The following DDAH1 variants were observed in gnomAD, a reference collection of about 807,000 sequenced individuals.
DDAH1 encodes N(G),N(G)-dimethylarginine dimethylaminohydrolase 1.
In DDAH1, 19 loss-of-function variants were observed where a neutral mutation model predicts 28.8. The ratio of observed to expected loss-of-function variants is 0.66; its 90% CI spans 0.46 to 0.97. The LOEUF (loss-of-function observed/expected upper bound fraction) is 0.97. DDAH1 is among the 50% of genes least tolerant of loss of function. The pLI is 0.00. For synonymous variants in DDAH1, 153 were observed against 154.4 expected (o/e 0.99, Z 0.07); for missense variants, 326 against 375.9 (o/e 0.87, Z 1.10).
In DDAH1 at chr1:85,419,540, TAA is replaced by T. The variant is rs141947699; in HGVS notation, c.303+45201_303+45202del. ...GGACGACAAGAGTGAAACTCCATCTTAAAAAAAAAAAAAAAAAAAAGTCTGGG... is the reference window on the plus strand; with the variant it reads ...GGACGACAAGAGTGAAACTCCATCTTAAAAAAAAAAAAAAAAAAGTCTGGG... On this transcript the variant is annotated intron_variant, in intron 1 of 5. Coordinates refer to ENST00000284031, the MANE Select transcript of DDAH1 (RefSeq NM_012137.4). Among the ~76,000 whole-genome samples the T allele has an allele frequency of 3.7e-3, 305 of 81,508 alleles. 2 individuals carry two copies. Among genetic ancestry groups the T allele is most frequent in the African/African-American group, 0.016 (296 of 18,156 alleles). The allele number at this position is 81,508 out of a possible 152,430, so 53.5% of individuals were successfully genotyped here.
chr1:85,343,921 A>AGTC (rs1016135631), intron 4 of DDAH1, among the ~76,000 whole-genome samples: 49 of 152,370 alleles, frequency 3.2e-4, no homozygotes, highest in African/African-American at 1.0e-3. Context: ...TTATATAGTT[A>AGTC]GTCATTCAAA....
intron 2 of DDAH1, among the ~76,000 whole-genome samples, chr1:85,470,953 T>A (rs1394860475): frequency 6.6e-6 from 1 of 152,224 alleles, no homozygotes; most frequent in Non-Finnish European, 1.5e-5. Flanking sequence ...TTCCTGGCCC[T>A]CCTACATTCT....
rs537541423 is a variant in DDAH1, at chr1:85,440,326, A to G, written c.303+24417T>C. ...GGGTGAGCCCTGAGTCAGATCTTCA[A>G]TCTTCTTTGGAATTCCAAACACCTC... On this transcript the variant is annotated intron_variant, in intron 1 of 5. Transcript: ENST00000284031. Among the ~76,000 whole-genome samples, 131 of 152,238 alleles carry G rather than the reference A, an allele frequency of 8.6e-4. 1 individual carries two copies. The Middle Eastern group carries it at 0.01, about 12-fold the overall frequency.
At chr1:85,325,960 C>T (rs1647366909) in intron 4 of DDAH1, among the ~76,000 whole-genome samples, 1 of 152,196 alleles carries the variant, frequency 6.6e-6, no homozygotes, top group Non-Finnish European at 1.5e-5. Context: ...TTCTAATCTA[C>T]CTTTATGGTC....
intron 1 of DDAH1, among the ~76,000 whole-genome samples, chr1:85,460,164 A>G (rs566132125): frequency 3.9e-5 from 6 of 152,314 alleles, no homozygotes; most frequent in East Asian, 1.9e-4. Context: ...TTTGTTAGCT[A>G]TAGCTATTAG....
chr1:85,422,212 AAG>A (rs1217582026), intron 1 of DDAH1, among the ~76,000 whole-genome samples: 4 of 152,138 alleles, frequency 2.6e-5, no homozygotes, highest in Admixed American at 2.6e-4. Context: ...TTCTTTGGTG[AAG>A]AGTCTGTTCA....
At chr1:85,434,286 ACTTGTGATGCCTC>A (rs1190035481) in intron 1 of DDAH1, among the ~76,000 whole-genome samples, 1 of 152,116 alleles carries the variant, frequency 6.6e-6, no homozygotes, top group Non-Finnish European at 1.5e-5. Flanking sequence ...AGCCCCATTG[ACTTGTGATGCCTC>A]CTTACCAGAT....
At chr1:85,565,581 A>T (rs1659273659) in intron 1 of DDAH1, among the ~76,000 whole-genome samples, 1 of 152,232 alleles carries the variant, frequency 6.6e-6, no homozygotes, top group Admixed American at 6.5e-5. Context: ...AAAGTTGAAA[A>T]AAAGAAAATA....
chr1:85,510,731 C>G (rs890542680), intron 1 of DDAH1, among the ~76,000 whole-genome samples: 2 of 152,070 alleles, frequency 1.3e-5, no homozygotes, highest in East Asian at 3.9e-4. Flanking sequence ...TTTAAACCAA[C>G]AAAGATCAAA....
intron 1 of DDAH1, among the ~76,000 whole-genome samples, chr1:85,577,095 G>A (rs1196353351): frequency 6.6e-6 from 1 of 152,124 alleles, no homozygotes; most frequent in Non-Finnish European, 1.5e-5. Context: ...TGGCAACCGC[G>A]GTGACTGTGG....
intron 1 of DDAH1, among the ~76,000 whole-genome samples, chr1:85,524,043 A>G (rs1441193569): frequency 1.3e-5 from 2 of 151,300 alleles, no homozygotes; most frequent in African/African-American, 2.4e-5. Flanking sequence ...CCAACCATCT[A>G]TTATTCATTC....
Position 85,532,474 on chromosome 1 carries a change from T to A in DDAH1, c.-122-36193A>T, listed in dbSNP as rs558853531. Among the ~76,000 whole-genome samples the A allele has an allele frequency of 4.3e-3, 649 of 152,292 alleles. 5 individuals carry two copies. Among genetic ancestry groups the A allele is most frequent in the African/African-American group, 0.015 (619 of 41,556 alleles). ...AGTTCAACACAAGTCACCTTCAGTT[T>A]CACCACGTTTGCGATGAATAAAATC... On this transcript the variant is annotated intron_variant, in intron 1 of 6. Transcript: ENST00000426972.
chr1:85,546,294 A>T (rs757262445), intron 1 of DDAH1, among the ~76,000 whole-genome samples: 1 of 152,190 alleles, frequency 6.6e-6, no homozygotes, highest in Non-Finnish European at 1.5e-5. Flanking sequence ...TAAAAGGACA[A>T]GCATGGCCTC....
At chr1:85,354,229 T>C (rs1000450350) in intron 2 of DDAH1, among the ~76,000 whole-genome samples, 1 of 152,180 alleles carries the variant, frequency 6.6e-6, no homozygotes, top group African/African-American at 2.4e-5. Flanking sequence ...TGTCCTACAT[T>C]CTTGCTTTGA....
chr1:85,494,130 T>C (rs943858512), intron 2 of DDAH1: 1 of 152,208 alleles, frequency 6.6e-6, no homozygotes, highest in South Asian at 2.1e-4. Flanking sequence ...CTTTGCATTG[T>C]CTGGATAGGG....
chr1:85,374,440 C>A (rs529961550), intron 1 of DDAH1, among the ~76,000 whole-genome samples: 1 of 152,256 alleles, frequency 6.6e-6, no homozygotes, highest in East Asian at 1.9e-4. Context: ...CTCCCAGACA[C>A]CTATCCTTGG....
At chr1:85,564,339 A>G (rs1368269474) in intron 1 of DDAH1, among the ~76,000 whole-genome samples, 1 of 152,232 alleles carries the variant, frequency 6.6e-6, no homozygotes, top group Non-Finnish European at 1.5e-5. Context: ...GACTAAAAGT[A>G]AAAAACAAAG....
At chr1:85,339,388 T>C (rs1234095965) in intron 4 of DDAH1, among the ~76,000 whole-genome samples, 1 of 152,084 alleles carries the variant, frequency 6.6e-6, no homozygotes, top group African/African-American at 2.4e-5. Context: ...CCTTTAACAT[T>C]TGCAAACAGA....
intron 2 of DDAH1, among the ~76,000 whole-genome samples, chr1:85,471,308 C>T (rs1033504732): frequency 2.0e-5 from 3 of 152,110 alleles, no homozygotes; most frequent in Non-Finnish European, 4.4e-5. Context: ...ATTGGCTTCT[C>T]GTTTTTGCTA....
Sources: allele counts gnomAD v4.1 joint callset (sites outside exome capture counted in the v4.1 genomes callset), GRCh38; gene constraint gnomAD v4.1.1; transcripts MANE v1.5; gene names NCBI Gene and HGNC (gene_info 2026-07-23, HGNC 2026-07-21).